The following FSTL4 variants were observed in gnomAD, a reference collection of about 807,000 sequenced individuals.
FSTL4 encodes the protein follistatin-related protein 4.
Under a neutral mutation model 78.2 loss-of-function variants are expected in FSTL4, and 28 were observed. That is an observed-to-expected ratio of 0.36 (90% confidence interval 0.27 to 0.49). FSTL4 has a LOEUF of 0.49. Ranked by LOEUF, FSTL4 falls within the 20% of genes least tolerant of loss-of-function variation. The pLI is 0.98. For missense variants in FSTL4, 922 were observed against 1,084.9 expected, an observed-to-expected ratio of 0.85 and a Z score of 2.11; for synonymous variants, 422 against 440.5, an observed-to-expected ratio of 0.96 and a Z score of 0.53.
At chr5:133,466,853 A>G (rs1400966714) in intron 3 of FSTL4, among the ~76,000 whole-genome samples, 3 of 152,100 alleles carry the variant, frequency 2.0e-5, no homozygotes, top group Non-Finnish European at 2.9e-5. Flanking sequence ...AGGAATGAGG[A>G]GCAGTCTAGG....
chr5:133,266,860 C>T (rs1405617072), intron 6 of FSTL4, among the ~76,000 whole-genome samples: 1 of 152,216 alleles, frequency 6.6e-6, no homozygotes, highest in Non-Finnish European at 1.5e-5. Flanking sequence ...ACCACAGCTT[C>T]CCCCTTGTGG....
intron 3 of FSTL4, among the ~76,000 whole-genome samples, chr5:133,470,614 G>A (rs1431388272): frequency 1.3e-5 from 2 of 152,100 alleles, no homozygotes; most frequent in South Asian, 4.1e-4. Flanking sequence ...GAGTAGTGGC[G>A]CGTGCCTGTA....
the FSTL4 span, among the ~76,000 whole-genome samples, chr5:133,809,192 C>T: frequency 6.6e-6 from 1 of 151,628 alleles, no homozygotes; most frequent in Non-Finnish European, 1.5e-5. Flanking sequence ...ATGGTGAAAC[C>T]CCATCTCTAC....
chr5:133,741,179 T>C, the FSTL4 span, among the ~76,000 whole-genome samples: 1 of 152,190 alleles, frequency 6.6e-6, no homozygotes, highest in Admixed American at 6.5e-5. Flanking sequence ...ACAATCCTGG[T>C]CAACCAAGTG....
the FSTL4 span, among the ~76,000 whole-genome samples, chr5:133,740,337 C>T: frequency 6.6e-6 from 1 of 152,110 alleles, no homozygotes; most frequent in African/African-American, 2.4e-5. Context: ...CTGCCCCTGG[C>T]CCCACATCTA....
rs979431552 is a variant in FSTL4, at chr5:133,426,385, A to G, written c.161-25399T>C. ...CTTGGGTCTCCTGCATAATGAGCCC[A>G]TGTCACTTCATGGGGGTTCTGGGCA... On this transcript the variant is annotated intron_variant, in intron 3 of 15. Coordinates refer to ENST00000265342, the MANE Select transcript of FSTL4 (RefSeq NM_015082.2). This position sits in a 1 kb window ranked among gnomAD's most constrained non-coding sequence, Gnocchi z 5.0. Among the ~76,000 whole-genome samples, 33 of 152,156 alleles carry G rather than the reference A, an allele frequency of 2.2e-4. No individual in the cohort carries two copies. Among genetic ancestry groups the G allele is most frequent in the African/African-American group, 7.5e-4 (31 of 41,434 alleles).
At chr5:133,463,108 C>T (rs1757630251) in intron 3 of FSTL4, among the ~76,000 whole-genome samples, 1 of 152,196 alleles carries the variant, frequency 6.6e-6, no homozygotes, top group Admixed American at 6.5e-5. Flanking sequence ...CACGGCAGGC[C>T]CAAGGCCACG....
At chr5:133,391,602 T>A (rs762709222) in intron 4 of FSTL4, among the ~76,000 whole-genome samples, 3 of 152,208 alleles carry the variant, frequency 2.0e-5, no homozygotes, top group Non-Finnish European at 2.9e-5. Flanking sequence ...ATCAACCCCA[T>A]CAGCCCTCCG....
At chr5:133,766,329 T>C in the FSTL4 span, among the ~76,000 whole-genome samples, 2 of 151,712 alleles carry the variant, frequency 1.3e-5, no homozygotes, top group Non-Finnish European at 2.9e-5. Flanking sequence ...AGGAGGAAAA[T>C]ACGTAACAGA....
At chr5:133,724,150 T>C in the FSTL4 span, among the ~76,000 whole-genome samples, 1 of 152,276 alleles carries the variant, frequency 6.6e-6, no homozygotes, top group South Asian at 2.1e-4. Flanking sequence ...GCTCCCTCTC[T>C]GGGGGTAACT....
At chr5:133,831,538 T>C in the FSTL4 span, among the ~76,000 whole-genome samples, 1 of 152,240 alleles carries the variant, frequency 6.6e-6, no homozygotes, top group African/African-American at 2.4e-5. Context: ...ACGACTCTTA[T>C]AGGACATTTA....
intron 4 of FSTL4, among the ~76,000 whole-genome samples, chr5:133,350,354 C>T (rs1361287307): frequency 2.0e-5 from 3 of 152,208 alleles, no homozygotes; most frequent in African/African-American, 7.2e-5. Context: ...CTGCTGTGCC[C>T]GCTGGGGCCC....
intron 6 of FSTL4, among the ~76,000 whole-genome samples, chr5:133,285,615 G>C (rs1368165373): frequency 3.3e-5 from 5 of 152,164 alleles, no homozygotes; most frequent in Non-Finnish European, 7.3e-5. Flanking sequence ...CCACCACAAG[G>C]AGCCTCCCTC....
intron 4 of FSTL4, 75 bp from the exon 5 acceptor site, chr5:133,316,727 T>C: frequency 8.0e-7 from 1 of 1,249,424 alleles, no homozygotes; most frequent in South Asian, 1.4e-5. Context: ...CGCTGGTCCA[T>C]TCATCTCACT....
chr5:133,616,310 A>AATCTATCATCT (rs1761196830), upstream of FSTL4, among the ~76,000 whole-genome samples: 1 of 147,162 alleles, frequency 6.8e-6, no homozygotes, highest in African/African-American at 2.5e-5. Flanking sequence ...TGAAAATCTA[A>AATCTATCATCT]ATCTATCTAT....
chr5:133,840,482 G>A, the FSTL4 span, among the ~76,000 whole-genome samples: 2 of 152,190 alleles, frequency 1.3e-5, no homozygotes, highest in Non-Finnish European at 1.5e-5. Flanking sequence ...TCTCAGAATG[G>A]CTGAACCATC....
At chr5:133,234,994 A>T (rs1336024099) in intron 7 of FSTL4, among the ~76,000 whole-genome samples, 1 of 152,006 alleles carries the variant, frequency 6.6e-6, no homozygotes, top group Non-Finnish European at 1.5e-5. Context: ...GCCCTTTCTG[A>T]GCTCCCTTTT....
chr5:133,468,173 G>C (rs1757751941), intron 3 of FSTL4, among the ~76,000 whole-genome samples: 1 of 152,204 alleles, frequency 6.6e-6, no homozygotes, highest in Non-Finnish European at 1.5e-5. Context: ...CATGGGGAAG[G>C]CTGGGGGAGG....
At chr5:133,402,561 C>T (rs1307923606) in intron 3 of FSTL4, among the ~76,000 whole-genome samples, 1 of 151,710 alleles carries the variant, frequency 6.6e-6, no homozygotes, top group Admixed American at 6.6e-5. Flanking sequence ...CGGGTCCTAC[C>T]CATGGGATTA....
Sources: allele counts gnomAD v4.1 joint callset (sites outside exome capture counted in the v4.1 genomes callset), GRCh38; gene constraint gnomAD v4.1.1; non-coding constraint Gnocchi (gnomAD v3.1); transcripts MANE v1.5; gene names NCBI Gene and HGNC (gene_info 2026-07-23, HGNC 2026-07-21).